The following NLGN1 variants were observed in gnomAD, a reference collection of about 807,000 sequenced individuals.
NLGN1 encodes the protein neuroligin-1.
Under a neutral mutation model 65.5 loss-of-function variants are expected in NLGN1, and 12 were observed. The observed-to-expected ratio is 0.18, with a 90% CI of 0.12 to 0.30. The LOEUF (loss-of-function observed/expected upper bound fraction) is 0.30, where lower values mean the gene tolerates loss of function less well. Among genes scored for constraint, NLGN1 ranks in the 10% least tolerant of loss-of-function variants. The probability of loss-of-function intolerance (pLI) is 1.00; values close to 1 mark genes in which losing one functional copy is unlikely to be tolerated. For synonymous variants in NLGN1, 350 were observed against 359.5 expected, an observed-to-expected ratio of 0.97 and a Z score of 0.30; for missense variants, 750 against 1,007.1, an observed-to-expected ratio of 0.74 and a Z score of 3.46.
chr3:173,995,903 C>T lies in NLGN1; in HGVS notation c.646+188071C>T, dbSNP rs534872928. Among the ~76,000 whole-genome samples the T allele has an allele frequency of 6.0e-4, 92 of 152,166 alleles. No homozygotes were observed. In the South Asian group the frequency reaches 0.018, roughly 31 times the overall value. On this transcript the variant is annotated intron_variant, in intron 4 of 6. Transcript: ENST00000457714. The stretch of plus-strand genomic sequence containing the variant: ...GTCTCAGTATGTTGCCCAGGCTACT[C>T]TCAAACTCCTGGCTTTAAGCTATCC...
At chr3:174,044,762 C>T (rs372007387) in intron 4 of NLGN1, among the ~76,000 whole-genome samples, 1 of 152,196 alleles carries the variant, frequency 6.6e-6, no homozygotes, top group African/African-American at 2.4e-5. Flanking sequence ...TTCGTAGTTC[C>T]CATAATCCCT....
At chr3:173,487,096 T>TCAAGTTTA (rs1414645670) in intron 2 of NLGN1, among the ~76,000 whole-genome samples, 4 of 151,938 alleles carry the variant, frequency 2.6e-5, no homozygotes. Context: ...ATCTTAAGTT[T>TCAAGTTTA]CAAGTTTAGT....
chr3:173,783,183 A>G (rs933318265), intron 3 of NLGN1, among the ~76,000 whole-genome samples: 4 of 152,150 alleles, frequency 2.6e-5, no homozygotes, highest in African/African-American at 9.7e-5. Flanking sequence ...ATGATTTTTT[A>G]CTGTACTTTG....
At chr3:173,810,709 A>G (rs1027534590) in intron 4 of NLGN1, among the ~76,000 whole-genome samples, 1 of 152,104 alleles carries the variant, frequency 6.6e-6, no homozygotes, top group African/African-American at 2.4e-5. Flanking sequence ...CTAGCTGCCA[A>G]TTTTTCAGTT....
chr3:173,702,774 A>C (rs1767433557), intron 3 of NLGN1, among the ~76,000 whole-genome samples: 1 of 152,172 alleles, frequency 6.6e-6, no homozygotes, highest in Non-Finnish European at 1.5e-5. Context: ...GACACTAACT[A>C]TTGTGCAGTT....
chr3:173,925,737 A>T (rs1349140364), intron 4 of NLGN1, among the ~76,000 whole-genome samples: 2 of 152,214 alleles, frequency 1.3e-5, no homozygotes, highest in African/African-American at 4.8e-5. Flanking sequence ...ATGTAAGTGT[A>T]TTCTAAGAAG....
intron 4 of NLGN1, among the ~76,000 whole-genome samples, chr3:174,160,726 T>A (rs1208427956): frequency 1.3e-5 from 2 of 151,448 alleles, no homozygotes; most frequent in East Asian, 3.9e-4. Flanking sequence ...AATAGTTTTA[T>A]CATATTGCCA....
intron 4 of NLGN1, among the ~76,000 whole-genome samples, chr3:173,912,910 T>A (rs1739918179): frequency 6.6e-6 from 1 of 152,164 alleles, no homozygotes; most frequent in South Asian, 2.1e-4. Flanking sequence ...TCCTTTAAGG[T>A]ACTTCACTGT....
intron 4 of NLGN1, among the ~76,000 whole-genome samples, chr3:173,858,285 G>T (rs1459050607): frequency 6.6e-6 from 1 of 152,012 alleles, no homozygotes; most frequent in African/African-American, 2.4e-5. Context: ...AGTTCTGTCA[G>T]ATTCCTCTGC....
intron 3 of NLGN1, among the ~76,000 whole-genome samples, chr3:173,769,465 C>A (rs74473648): frequency 1.3e-5 from 2 of 152,168 alleles, no homozygotes; most frequent in African/African-American, 4.8e-5. Context: ...TTCTCATAGC[C>A]GATTTACCTC....
chr3:174,094,744 G>A (rs1168304661), intron 4 of NLGN1, among the ~76,000 whole-genome samples: 4 of 53,338 alleles, frequency 7.5e-5, no homozygotes, highest in Non-Finnish European at 1.0e-4. Flanking sequence ...CCTTGGCTCC[G>A]CTAAAAAAAA....
chr3:173,710,111 T>C (rs1017965231), intron 3 of NLGN1, among the ~76,000 whole-genome samples: 1 of 152,168 alleles, frequency 6.6e-6, no homozygotes, highest in Non-Finnish European at 1.5e-5. Flanking sequence ...CAATTACTTA[T>C]GGATTTTTCA....
At chr3:173,961,253 T>G (rs1713488184) in intron 4 of NLGN1, among the ~76,000 whole-genome samples, 1 of 152,064 alleles carries the variant, frequency 6.6e-6, no homozygotes, top group Non-Finnish European at 1.5e-5. Flanking sequence ...CTCTTAGACC[T>G]ATTGGCTCTG....
intron 2 of NLGN1, among the ~76,000 whole-genome samples, chr3:173,477,580 A>G (rs1244440828): frequency 1.3e-5 from 2 of 152,142 alleles, no homozygotes; most frequent in Non-Finnish European, 2.9e-5. Flanking sequence ...TTTAGTATTG[A>G]CAGATTTGTA....
intron 3 of NLGN1, among the ~76,000 whole-genome samples, chr3:173,617,865 CT>C (rs1753363389): frequency 2.0e-5 from 3 of 152,066 alleles, no homozygotes; most frequent in African/African-American, 4.8e-5. Context: ...CTATTTTAAT[CT>C]TTTTCTTCTT....
intron 4 of NLGN1, among the ~76,000 whole-genome samples, chr3:173,901,281 A>G (rs1446530275): frequency 3.3e-5 from 5 of 151,854 alleles, no homozygotes; most frequent in East Asian, 3.9e-4. Context: ...GAGGAGTACA[A>G]TTAATACATA....
chr3:173,908,869 T>C (rs1738988003), intron 4 of NLGN1, among the ~76,000 whole-genome samples: 1 of 152,184 alleles, frequency 6.6e-6, no homozygotes, highest in Non-Finnish European at 1.5e-5. Context: ...AAAAACATTT[T>C]TAATGGGGAC....
At chr3:173,496,139 T>G (rs1361005664) in intron 2 of NLGN1, among the ~76,000 whole-genome samples, 1 of 151,806 alleles carries the variant, frequency 6.6e-6, no homozygotes, top group African/African-American at 2.4e-5. Flanking sequence ...TTAACAAGAT[T>G]CCATCTCCTT....
At chr3:173,801,402 C>G (rs1221518551) in intron 3 of NLGN1, among the ~76,000 whole-genome samples, 1 of 151,898 alleles carries the variant, frequency 6.6e-6, no homozygotes, top group Non-Finnish European at 1.5e-5. Context: ...AATTAAATCT[C>G]ATAACGAAAA....
Sources: allele counts gnomAD v4.1 joint callset (sites outside exome capture counted in the v4.1 genomes callset), GRCh38; gene constraint gnomAD v4.1.1; transcripts MANE v1.5; gene names NCBI Gene and HGNC (gene_info 2026-07-23, HGNC 2026-07-21).